DOCK1: variants seen among roughly 807,000 people sequenced by gnomAD.
DOCK1 encodes the protein dedicator of cytokinesis protein 1.
In DOCK1, 138 loss-of-function variants were observed where a neutral mutation model predicts 262.7. That is an observed-to-expected ratio of 0.53 (90% CI 0.46 to 0.61). The LOEUF is 0.61. DOCK1 is among the 20% of genes least tolerant of loss of function. The probability of loss-of-function intolerance (pLI) is 0.00; values close to 1 mark genes in which losing one functional copy is unlikely to be tolerated. For missense variants in DOCK1, 1,908 were observed against 2,370.7 expected (o/e 0.80, Z 4.05); for synonymous variants, 866 against 867.4 (o/e 1.00, Z 0.03).
intron 21 of DOCK1, among the ~76,000 whole-genome samples, chr10:127,051,261 A>T (rs1382867557): frequency 6.6e-6 from 1 of 151,986 alleles, no homozygotes; most frequent in Non-Finnish European, 1.5e-5. Flanking sequence ...TTTAAAACTA[A>T]ATGTTTTTGG....
Position 127,090,777 on chromosome 10 carries a change from C to T in DOCK1, c.2446-15454C>T, listed in dbSNP as rs552559421. Among the ~76,000 whole-genome samples the T allele has an allele frequency of 8.5e-5, 13 of 152,230 alleles. No homozygotes were observed. The South Asian group carries it at 2.7e-3, about 32-fold the overall frequency. On this transcript the variant is annotated intron_variant, in intron 23 of 51. Coordinates refer to ENST00000623213, the MANE Select transcript of DOCK1 (RefSeq NM_001290223.2). ...TGTGGCTTTTTTTGGTATATGGCTT[C>T]TTTTACTTAGTATATTCTCAGGGTT... is the stretch of plus-strand genomic sequence containing the variant.
intron 27 of DOCK1, among the ~76,000 whole-genome samples, chr10:127,216,799 A>G (rs1490886264): frequency 6.6e-6 from 1 of 152,240 alleles, no homozygotes; most frequent in African/African-American, 2.4e-5. Context: ...GTACTTAAAA[A>G]AAATTGCTGA....
At chr10:127,222,972 G>A (rs760444821) in intron 27 of DOCK1, among the ~76,000 whole-genome samples, 5 of 152,066 alleles carry the variant, frequency 3.3e-5, no homozygotes, top group East Asian at 1.9e-4. Flanking sequence ...CCGCTGTGCC[G>A]AGCCAGTTTC....
At chr10:127,222,789 C>G (rs538572050) in intron 27 of DOCK1, among the ~76,000 whole-genome samples, 1 of 94,980 alleles carries the variant, frequency 1.1e-5, no homozygotes, top group East Asian at 3.1e-4. Context: ...CTTTAGCCTC[C>G]CAAGTAGCTG....
At chr10:127,058,532 A>T (rs2045324006) in intron 22 of DOCK1, among the ~76,000 whole-genome samples, 1 of 151,890 alleles carries the variant, frequency 6.6e-6, no homozygotes, top group Admixed American at 6.6e-5. Flanking sequence ...AGATTTATAT[A>T]TTATTTTTGC....
intron 27 of DOCK1, among the ~76,000 whole-genome samples, chr10:127,134,125 CT>C (rs1487647488): frequency 6.6e-6 from 1 of 152,204 alleles, no homozygotes; most frequent in Admixed American, 6.5e-5. Context: ...ATGCCTCTTT[CT>C]TGTTTCCTTT....
intron 21 of DOCK1, among the ~76,000 whole-genome samples, chr10:127,052,098 C>T (rs1005969548): frequency 6.6e-6 from 1 of 152,204 alleles, no homozygotes; most frequent in African/African-American, 2.4e-5. Context: ...AATACTGCCT[C>T]ATAGTGTTGC....
At chr10:126,917,977 A>G (rs2032703247) in intron 1 of DOCK1, among the ~76,000 whole-genome samples, 1 of 152,206 alleles carries the variant, frequency 6.6e-6, no homozygotes, top group Admixed American at 6.5e-5. Context: ...AGGCATAGTT[A>G]GGAGCTTGGG....
At chr10:127,184,806 G>A (rs77096020) in intron 27 of DOCK1, among the ~76,000 whole-genome samples, 7,382 of 152,194 alleles carry the variant, frequency 0.049, 466 homozygotes, top group African/African-American at 0.15. Context: ...TGGATAGTCT[G>A]TGTTTGGTGG....
chr10:127,250,487 A>G (rs1305470710), intron 28 of DOCK1, among the ~76,000 whole-genome samples: 1 of 152,084 alleles, frequency 6.6e-6, no homozygotes, highest in Non-Finnish European at 1.5e-5. Context: ...AGACAATTTG[A>G]CTTCCATTAA....
At chr10:127,401,225 T>C (rs570232193) in intron 38 of DOCK1, among the ~76,000 whole-genome samples, 2 of 152,252 alleles carry the variant, frequency 1.3e-5, no homozygotes, top group Admixed American at 6.5e-5. Context: ...TTTGGGGAGA[T>C]TGATTTGAGT....
intron 13 of DOCK1, among the ~76,000 whole-genome samples, chr10:127,019,867 G>A (rs2042289865): frequency 6.6e-6 from 1 of 152,190 alleles, no homozygotes; most frequent in African/African-American, 2.4e-5. Flanking sequence ...CCGTGGAAAC[G>A]GGGACAAACT....
At chr10:127,184,245 G>T (rs997798597) in intron 27 of DOCK1, among the ~76,000 whole-genome samples, 6 of 152,128 alleles carry the variant, frequency 3.9e-5, no homozygotes, top group African/African-American at 1.4e-4. Context: ...CTCCAACTTA[G>T]TAGATTCTGT....
At chr10:126,972,205 C>A (rs189288633) in intron 2 of DOCK1, among the ~76,000 whole-genome samples, 1 of 152,146 alleles carries the variant, frequency 6.6e-6, no homozygotes, top group South Asian at 2.1e-4. Context: ...CATGAGCCAC[C>A]GTGCCCGTCC....
chr10:127,427,460 C>G (rs67742372), intron 47 of DOCK1, among the ~76,000 whole-genome samples: 37,555 of 152,146 alleles, frequency 0.25, 5,644 homozygotes, highest in East Asian at 0.45. Context: ...GTGCCAGGGA[C>G]CTTCCTAAGT....
chr10:127,087,763 A>G (rs2047281661), intron 23 of DOCK1, among the ~76,000 whole-genome samples: 1 of 152,182 alleles, frequency 6.6e-6, no homozygotes, highest in Non-Finnish European at 1.5e-5. Flanking sequence ...AACCAAAATA[A>G]TTTGGTATTA....
chr10:127,176,379 G>T lies in DOCK1; in HGVS notation c.2847+48615G>T. The T allele has an allele frequency of 6.2e-7, 1 of 1,608,638 alleles. No homozygotes were observed. Among genetic ancestry groups the T allele is most frequent in the Non-Finnish European group, 8.5e-7 (1 of 1,178,084 alleles). On this transcript the variant is annotated intron_variant, in intron 27 of 51. Coordinates refer to ENST00000623213, the MANE Select transcript of DOCK1 (RefSeq NM_001290223.2). The surrounding 1 kb of genome is among the most constrained non-coding windows in gnomAD (Gnocchi z 4.4). ...CGACGTTGTGAGTATGCATTTGCCG[G>T]TGTCCTTACTGACCATGGTTCCTGC...
At chr10:127,276,138 C>T (rs1183331584) in intron 29 of DOCK1, among the ~76,000 whole-genome samples, 2 of 152,194 alleles carry the variant, frequency 1.3e-5, no homozygotes, top group Non-Finnish European at 2.9e-5. Context: ...CATCAAAATC[C>T]TCCAGTCTCT....
At chr10:127,415,341 T>C (rs2068093420) in intron 44 of DOCK1, 103 bp downstream of exon 44, 1 of 1,124,972 alleles carries the variant, frequency 8.9e-7, no homozygotes. Context: ...TGTGGCAGCG[T>C]GCACACAGCA....
Sources: allele counts gnomAD v4.1 joint callset (sites outside exome capture counted in the v4.1 genomes callset), GRCh38; gene constraint gnomAD v4.1.1; non-coding constraint Gnocchi (gnomAD v3.1); transcripts MANE v1.5; gene names NCBI Gene and HGNC (gene_info 2026-07-23, HGNC 2026-07-21).